The following GUCY2C variants were observed in gnomAD, a reference collection of about 807,000 sequenced individuals.
The protein encoded by GUCY2C is guanylyl cyclase C.
A neutral mutation model predicts 131.1 loss-of-function variants in GUCY2C; 118 were observed. The ratio of observed to expected loss-of-function variants is 0.90; its 90% CI spans 0.78 to 1.05. The LOEUF (loss-of-function observed/expected upper bound fraction) is 1.05. Ranked by LOEUF, GUCY2C falls within the 50% of genes least tolerant of loss-of-function variation. The pLI is 0.00. For synonymous variants in GUCY2C, 452 were observed against 457.8 expected, an observed-to-expected ratio of 0.99 and a Z score of 0.16; for missense variants, 1,161 against 1,304.4, an observed-to-expected ratio of 0.89 and a Z score of 1.69.
In GUCY2C at chr12:14,621,066, A is replaced by T; in HGVS notation, c.2752T>A (p.Trp918Arg). 1 of 1,613,900 alleles carries T rather than the reference A, an allele frequency of 6.2e-7. No homozygotes were observed. Among genetic ancestry groups the T allele is most frequent in the Admixed American group, 1.7e-5 (1 of 59,964 alleles). Reference protein sequence around the residue: ...ELEHLPGLPIWIRIGVHSGPC... With the variant: ...ELEHLPGLPIRIRIGVHSGPC... ...CCAGAGTGAACTCCAATGCGAATCC[A>T]TATTGGGAGGCCAGGAAGATGCTCC... The change falls in exon 23 of 27, where the codon TGG becomes AGG. Residue 918 changes from tryptophan to arginine, a missense_variant. By Grantham distance (101) the Trp-to-Arg change is moderately radical. Transcript: ENST00000261170.
intron 21 of GUCY2C, among the ~76,000 whole-genome samples, 195 bp downstream of exon 21, chr12:14,625,562 T>C (rs1330940607): frequency 6.6e-6 from 1 of 152,120 alleles, no homozygotes; most frequent in East Asian, 1.9e-4. Context: ...CTTGATCTCC[T>C]GACCTCATGA....
At chr12:14,682,888 C>G (rs546543750) in intron 4 of GUCY2C, among the ~76,000 whole-genome samples, 154 bp downstream of exon 4, 12 of 152,292 alleles carry the variant, frequency 7.9e-5, no homozygotes, top group African/African-American at 2.4e-4. Context: ...ACTTGGTCCC[C>G]TTTGCTTTTA....
Position 14,613,365 on chromosome 12 carries a change from T to C in GUCY2C, c.3048-74A>G. The C allele has an allele frequency of 1.8e-6, 2 of 1,122,494 alleles. No individual in the cohort carries two copies. Among genetic ancestry groups the C allele is most frequent in the Non-Finnish European group, 2.7e-6 (2 of 741,288 alleles). The allele number at this position is 1,122,494 out of a possible 1,614,324, so 69.5% of individuals were successfully genotyped here. A position where few individuals can be genotyped will look rare whatever the true frequency, so the allele number is the denominator to read the frequency against. ...AGAATATTCCTTAGCTCCAGAATAATCAGTTCAGTTAGTCAGTTACTCTTT... is the reference window on the plus strand; with the variant it reads ...AGAATATTCCTTAGCTCCAGAATAACCAGTTCAGTTAGTCAGTTACTCTTT... On this transcript the variant is annotated intron_variant, in intron 26 of 26. Transcript: ENST00000261170. The surrounding 1 kb of genome is among the most constrained non-coding windows in gnomAD (Gnocchi z 4.9).
intron 19 of GUCY2C, among the ~76,000 whole-genome samples, chr12:14,632,079 T>C (rs1238629043): frequency 1.3e-5 from 2 of 152,208 alleles, no homozygotes; most frequent in African/African-American, 4.8e-5. Flanking sequence ...GACAGGGTTG[T>C]TTTTTTCTTG....
At chr12:14,668,249 C>T (rs982097125) in intron 10 of GUCY2C, among the ~76,000 whole-genome samples, 1 of 152,160 alleles carries the variant, frequency 6.6e-6, no homozygotes, top group Admixed American at 6.5e-5. Context: ...TGGCTTACAA[C>T]AACCTCTGCC....
intron 19 of GUCY2C, among the ~76,000 whole-genome samples, chr12:14,633,022 C>A (rs574396461): frequency 1.7e-4 from 26 of 152,268 alleles, no homozygotes; most frequent in African/African-American, 6.3e-4. Flanking sequence ...CTACTCATGC[C>A]ATGCCTGCTG....
chr12:14,643,101 T>C (rs914745933), intron 17 of GUCY2C, among the ~76,000 whole-genome samples: 1 of 152,204 alleles, frequency 6.6e-6, no homozygotes, highest in African/African-American at 2.4e-5. Context: ...AGAATATATT[T>C]TACTGGTTAG....
At position 14,661,075 on chromosome 12, in the gene GUCY2C, A is replaced by G; in HGVS notation, c.1283-13T>C. ...AGGATCTGAGGGCCTGTGGCGGAAA[A>G]TGCGTTAGGAAGGACCTTAGACAAG... On this transcript the variant is annotated splice_polypyrimidine_tract_variant and intron_variant, in intron 10 of 26. Coordinates refer to ENST00000261170, the MANE Select transcript of GUCY2C (RefSeq NM_004963.4). The G allele has an allele frequency of 6.4e-7, 1 of 1,563,814 alleles. No individual in the cohort carries two copies.
At chr12:14,674,058 A>G (rs928718013) in intron 8 of GUCY2C, among the ~76,000 whole-genome samples, 2 of 152,228 alleles carry the variant, frequency 1.3e-5, no homozygotes, top group Non-Finnish European at 2.9e-5. Flanking sequence ...TTGACTTAGT[A>G]TACATTACAT....
At chr12:14,686,108 C>A in intron 3 of GUCY2C, 53 bp downstream of exon 3, 1 of 1,091,242 alleles carries the variant, frequency 9.2e-7, no homozygotes, top group South Asian at 1.3e-5. Context: ...TTTGATGAGT[C>A]CTTTAAGTTG....
intron 19 of GUCY2C, among the ~76,000 whole-genome samples, chr12:14,633,714 C>T (rs915734645): frequency 8.7e-5 from 13 of 149,224 alleles, no homozygotes; most frequent in Non-Finnish European, 1.8e-4. Context: ...AAATAGATAC[C>T]ATAAAAAAGA....
At chr12:14,640,688 TC>T (rs2137018524) in intron 18 of GUCY2C, among the ~76,000 whole-genome samples, 1 of 152,270 alleles carries the variant, frequency 6.6e-6, no homozygotes, top group Non-Finnish European at 1.5e-5. Flanking sequence ...TGAAGCATTT[TC>T]CCTTGAGAGG....
chr12:14,690,901 C>T (rs2099014), intron 1 of GUCY2C, among the ~76,000 whole-genome samples: 27,491 of 152,106 alleles, frequency 0.18, 2,796 homozygotes, highest in Admixed American at 0.29. Context: ...GTCCACAGTC[C>T]GGCATTATGA....
intron 13 of GUCY2C, among the ~76,000 whole-genome samples, chr12:14,652,323 C>A (rs1032786512): frequency 6.6e-6 from 1 of 152,068 alleles, no homozygotes; most frequent in Non-Finnish European, 1.5e-5. Context: ...TACAGGCATG[C>A]ACCACCATGC....
At chr12:14,665,676 A>G (rs1450503387) in intron 10 of GUCY2C, 2 of 152,220 alleles carry the variant, frequency 1.3e-5, no homozygotes, top group African/African-American at 2.4e-5. Context: ...CCAAATCTGC[A>G]TTGTCCATTG....
intron 1 of GUCY2C, 89 bp downstream of exon 1, chr12:14,696,143 G>T: frequency 9.9e-7 from 1 of 1,006,838 alleles, no homozygotes; most frequent in Non-Finnish European, 1.5e-6. Flanking sequence ...AAAGTTGTGT[G>T]ATCAAAGAAC....
intron 10 of GUCY2C, among the ~76,000 whole-genome samples, chr12:14,662,908 A>G (rs1334139241): frequency 6.6e-6 from 1 of 152,172 alleles, no homozygotes; most frequent in East Asian, 1.9e-4. Flanking sequence ...TGTGGCACTA[A>G]CATCTTCATC....
rs958873338 is a variant in GUCY2C, at chr12:14,691,744, C to T, written c.218-3681G>A. ...CTCAAGTAGAAACCCTGGCACAGTG[C>T]CTGGGAAAAAGGGAACCAACATCTG... On this transcript the variant is annotated intron_variant, in intron 1 of 26. Transcript: ENST00000261170. 7.9e-5 allele frequency among the ~76,000 whole-genome samples: 12 copies of T among 152,234 alleles called. No individual in the cohort carries two copies. In the South Asian group the frequency reaches 2.5e-3, roughly 32 times the overall value.
intron 1 of GUCY2C, among the ~76,000 whole-genome samples, chr12:14,694,522 G>A: frequency 6.6e-6 from 1 of 152,200 alleles, no homozygotes; most frequent in East Asian, 1.9e-4. Context: ...ATCACAGAGA[G>A]AGAAAACTTT....
Sources: gnomAD v4.1 joint callset for allele counts (sites outside exome capture counted in the v4.1 genomes callset) on GRCh38, gnomAD v4.1.1 for gene constraint, Gnocchi (gnomAD v3.1) non-coding constraint, MANE v1.5 for transcripts, NCBI Gene and HGNC (gene_info 2026-07-23, HGNC 2026-07-21) for gene names.